PLCL1: variants seen among roughly 807,000 people sequenced by gnomAD.
PLCL1 encodes the protein inactive phospholipase C-like protein 1.
A neutral mutation model predicts 84.4 loss-of-function variants in PLCL1; 41 were observed. The ratio of observed to expected loss-of-function variants is 0.49; its 90% CI spans 0.38 to 0.63. The LOEUF is 0.63. Among genes scored for constraint, PLCL1 ranks in the 30% least tolerant of loss-of-function variants. PLCL1 has a pLI of 0.00. For missense variants in PLCL1, 1,206 were observed against 1,367.8 expected (o/e 0.88, Z 1.87); for synonymous variants, 490 against 488.3 (o/e 1.00, Z -0.05).
At chr2:197,862,329 G>C (rs1426850338) in intron 1 of PLCL1, among the ~76,000 whole-genome samples, 1 of 152,166 alleles carries the variant, frequency 6.6e-6, no homozygotes, top group East Asian at 1.9e-4. Context: ...TTGATTTGCT[G>C]ATTATTGGAG....
At position 198,086,003 on chromosome 2, in the gene PLCL1, G is replaced by T. The variant is rs757122551; in HGVS notation, c.2486G>T (p.Arg829Leu). 1.2e-6 allele frequency: 2 copies of T among 1,614,038 alleles called. No individual in the cohort carries two copies. The highest frequency in any genetic ancestry group is 1.7e-6 in the Non-Finnish European group (2 of 1,179,974). Residue 829 changes from arginine to leucine, a missense_variant, in exon 2 of 6, where the codon CGT becomes CTT. Arg to Leu is a moderately radical substitution (Grantham distance 102, BLOSUM62 -2). Coordinates refer to ENST00000428675, the MANE Select transcript of PLCL1 (RefSeq NM_006226.4). ...LQPGYRHVPL[R>L]SFVGDIMEHV... ...CCTGGATATCGGCATGTTCCCCTGCGTTCTTTTGTGGGTGACATCATGGAG... is the reference window on the plus strand; with the variant it reads ...CCTGGATATCGGCATGTTCCCCTGCTTTCTTTTGTGGGTGACATCATGGAG...
At chr2:198,119,010 T>G (rs923544802) in intron 5 of PLCL1, among the ~76,000 whole-genome samples, 1 of 152,020 alleles carries the variant, frequency 6.6e-6, no homozygotes, top group African/African-American at 2.4e-5. Context: ...TTGTTATTTG[T>G]GTATTGAAGC....
At chr2:197,946,311 CA>C (rs1275169416) in intron 1 of PLCL1, among the ~76,000 whole-genome samples, 1 of 151,956 alleles carries the variant, frequency 6.6e-6, no homozygotes, top group Non-Finnish European at 1.5e-5. Flanking sequence ...GTCTCCAAAA[CA>C]AAGTCGAGAG....
chr2:197,854,117 AG>A (rs1471222234), intron 1 of PLCL1, among the ~76,000 whole-genome samples: 1 of 152,152 alleles, frequency 6.6e-6, no homozygotes, highest in Non-Finnish European at 1.5e-5. Flanking sequence ...AGGTTCCGTG[AG>A]GGCAGGCCCT....
intron 1 of PLCL1, among the ~76,000 whole-genome samples, chr2:197,983,195 CTTTTCTTTTTTTT>C (rs1388890574): frequency 2.1e-3 from 106 of 51,686 alleles, no homozygotes; most frequent in African/African-American, 6.6e-3. Context: ...TTTTTCTTTT[CTTTTCTTTTTTTT>C]TTTTTTTTTT....
intron 1 of PLCL1, among the ~76,000 whole-genome samples, chr2:197,907,516 T>C (rs1273389693): frequency 6.6e-6 from 1 of 152,072 alleles, no homozygotes; most frequent in African/African-American, 2.4e-5. Flanking sequence ...TCCTCAGGGA[T>C]AGTGAAAAGT....
chr2:197,907,247 C>CTT (rs879939963), intron 1 of PLCL1, among the ~76,000 whole-genome samples: 1 of 146,572 alleles, frequency 6.8e-6, no homozygotes, highest in African/African-American at 2.5e-5. Flanking sequence ...CTTTTTCTTT[C>CTT]TTTTTTTTTT....
intron 4 of PLCL1, among the ~76,000 whole-genome samples, chr2:198,102,684 A>C (rs972662056): frequency 2.0e-5 from 3 of 152,092 alleles, no homozygotes; most frequent in African/African-American, 7.2e-5. Context: ...ATATGTTTGA[A>C]TGGTTAACTG....
chr2:197,905,015 C>G (rs10198606), intron 1 of PLCL1, among the ~76,000 whole-genome samples: 77,223 of 152,006 alleles, frequency 0.51, 20,399 homozygotes, highest in African/African-American at 0.63. Flanking sequence ...CCATAGGTGA[C>G]TCTGATAAAG....
intron 1 of PLCL1, among the ~76,000 whole-genome samples, chr2:197,956,573 C>T (rs1376029210): frequency 6.6e-6 from 1 of 152,162 alleles, no homozygotes; most frequent in African/African-American, 2.4e-5. Context: ...CACAGCCTTG[C>T]CAGCATCTGC....
intron 1 of PLCL1, among the ~76,000 whole-genome samples, chr2:197,926,967 G>A (rs575082692): frequency 2.0e-5 from 3 of 152,074 alleles, no homozygotes; most frequent in African/African-American, 7.2e-5. Flanking sequence ...AGCTGGGACC[G>A]CCTGAAGCTA....
intron 5 of PLCL1, among the ~76,000 whole-genome samples, chr2:198,124,583 A>G (rs1322042874): frequency 6.6e-6 from 1 of 152,062 alleles, no homozygotes; most frequent in African/African-American, 2.4e-5. Context: ...GGGGAGTAGG[A>G]ATTCAGTGGC....
At chr2:197,995,853 A>G (rs1470787737) in intron 1 of PLCL1, among the ~76,000 whole-genome samples, 2 of 152,164 alleles carry the variant, frequency 1.3e-5, no homozygotes, top group African/African-American at 2.4e-5. Context: ...AATAACTCCT[A>G]TGAAATGAAA....
chr2:197,979,679 A>C (rs1033329129), intron 1 of PLCL1, among the ~76,000 whole-genome samples: 3 of 152,062 alleles, frequency 2.0e-5, no homozygotes, highest in Non-Finnish European at 4.4e-5. Context: ...CCCCAGGTTC[A>C]TCTCTTGTCA....
Position 197,918,969 on chromosome 2 carries a change from C to CTCTCTCTCTCT in PLCL1, c.240+113630_240+113631insTCTCTCTCTCT, listed in dbSNP as rs1369678298. Among the ~76,000 whole-genome samples, 94 of 146,954 alleles carry CTCTCTCTCTCT rather than the reference C, an allele frequency of 6.4e-4. 4 individuals carry two copies. Among genetic ancestry groups the CTCTCTCTCTCT allele is most frequent in the East Asian group, 4.4e-3 (22 of 4,964 alleles). ...CTCTCTCTCTCTCTCTCTCTCTCTCCCTCACACACACACATACACACACAA... is the reference window on the plus strand; with the variant it reads ...CTCTCTCTCTCTCTCTCTCTCTCTCCTCTCTCTCTCTCTCACACACACACATACACACACAA... On this transcript the variant is annotated intron_variant, in intron 1 of 5. Transcript: ENST00000428675.
intron 1 of PLCL1, among the ~76,000 whole-genome samples, chr2:197,993,391 T>C (rs1009503072): frequency 1.3e-5 from 2 of 152,092 alleles, no homozygotes; most frequent in Non-Finnish European, 2.9e-5. Flanking sequence ...CATTCTTGGG[T>C]AGGATTTCTG....
At chr2:198,056,317 C>G (rs1692071725) in intron 1 of PLCL1, among the ~76,000 whole-genome samples, 1 of 152,096 alleles carries the variant, frequency 6.6e-6, no homozygotes, top group Admixed American at 6.5e-5. Context: ...TCCCCTCCCC[C>G]CCATAAGGAT....
rs559844496 is a variant in PLCL1, at chr2:198,140,285, T to A, written c.3106-6495T>A. On this transcript the variant is annotated intron_variant, in intron 5 of 5. Coordinates refer to ENST00000428675, the MANE Select transcript of PLCL1 (RefSeq NM_006226.4). ...TGCCACTGGATTATTAATGGTTTTT[T>A]AAATTATATTATTATTAGTGAGTAG... 9.8e-5 allele frequency among the ~76,000 whole-genome samples: 15 copies of A among 152,286 alleles called. No individual in the cohort carries two copies. The East Asian group carries it at 1.2e-3, about 12-fold the overall frequency.
chr2:197,918,936 G>GTC (rs71395692), intron 1 of PLCL1, among the ~76,000 whole-genome samples: 2,881 of 83,106 alleles, frequency 0.035, 88 homozygotes, highest in African/African-American at 0.086. Flanking sequence ...CGGAGACCCT[G>GTC]TCTCTCTCTC....
Sources: allele counts gnomAD v4.1 joint callset (sites outside exome capture counted in the v4.1 genomes callset), GRCh38; gene constraint gnomAD v4.1.1; transcripts MANE v1.5; gene names NCBI Gene and HGNC (gene_info 2026-07-23, HGNC 2026-07-21).